PGM1: variants seen among roughly 807,000 people sequenced by gnomAD.
PGM1 encodes phosphoglucomutase 1.
PGM1 carries 52 observed loss-of-function variants against 55.6 expected under a neutral mutation model. The observed-to-expected ratio is 0.94, with a 90% CI of 0.75 to 1.18. PGM1 has a LOEUF of 1.18. Among genes scored for constraint, PGM1 ranks in the 50% most tolerant of loss-of-function variants. PGM1 has a pLI of 0.00. For missense variants in PGM1, 724 were observed against 729.3 expected (o/e 0.99, Z 0.08); for synonymous variants, 287 against 271.7 (o/e 1.06, Z -0.55).
At chr1:63,642,833 A>G (rs2269243) in intron 7 of PGM1, among the ~76,000 whole-genome samples, 1 of 152,004 alleles carries the variant, frequency 6.6e-6, no homozygotes, top group Admixed American at 6.5e-5. Flanking sequence ...TTTTAGTTTC[A>G]TATGAAAAGT....
At chr1:63,631,621 A>G (rs892855969) in intron 3 of PGM1, 36 bp from the exon 4 acceptor site, 5 of 1,602,144 alleles carry the variant, frequency 3.1e-6, no homozygotes, top group Non-Finnish European at 4.3e-6. Flanking sequence ...AAATGTGTTT[A>G]ATCCTTCCAT....
intron 1 of PGM1, among the ~76,000 whole-genome samples, chr1:63,611,029 G>A (rs1188854317): frequency 6.6e-6 from 1 of 152,192 alleles, no homozygotes; most frequent in Non-Finnish European, 1.5e-5. Context: ...ATTTGATGGG[G>A]TGCTTTCCAT....
At chr1:63,609,174 A>G (rs1648502552) in intron 1 of PGM1, among the ~76,000 whole-genome samples, 1 of 151,824 alleles carries the variant, frequency 6.6e-6, no homozygotes, top group Non-Finnish European at 1.5e-5. Flanking sequence ...TCTAAATCTC[A>G]GCCACAGGCC....
intron 3 of PGM1, among the ~76,000 whole-genome samples, 172 bp downstream of exon 3, chr1:63,630,260 G>A (rs1489557438): frequency 6.6e-6 from 1 of 152,146 alleles, no homozygotes. Context: ...GGAGACCAGA[G>A]ACCTGGGCTC....
At chr1:63,607,743 A>G (rs12038165) in intron 1 of PGM1, among the ~76,000 whole-genome samples, 46,246 of 152,136 alleles carry the variant, frequency 0.3, 7,628 homozygotes, top group South Asian at 0.38. Flanking sequence ...TCTGGGAACC[A>G]TGCACGCACT....
chr1:63,646,046 C>T (rs1649636731), intron 7 of PGM1, among the ~76,000 whole-genome samples: 1 of 151,994 alleles, frequency 6.6e-6, no homozygotes, highest in Non-Finnish European at 1.5e-5. Context: ...TTCATGACTG[C>T]CTAGGGAAGT....
intron 8 of PGM1, among the ~76,000 whole-genome samples, chr1:63,648,862 GC>G (rs1207112614): frequency 6.6e-6 from 1 of 152,168 alleles, no homozygotes; most frequent in Non-Finnish European, 1.5e-5. Context: ...TAAAAGTTTA[GC>G]TAACATAATC....
In PGM1 at chr1:63,627,114, A is replaced by G. The variant is rs184277374; in HGVS notation, c.247-2311A>G. Among the ~76,000 whole-genome samples the G allele has an allele frequency of 9.9e-4, 140 of 141,626 alleles. 1 individual carries two copies. Among genetic ancestry groups the G allele is most frequent in the Middle Eastern group, 7.5e-3 (2 of 266 alleles). 92.9% of individuals were successfully genotyped at this position (141,626 alleles called of 152,430 possible). ...CTGAATAATATTCCACTGTATGTAT[A>G]CACAATATTTTGTTTATCCATTCAC... On this transcript the variant is annotated intron_variant, in intron 1 of 10. Coordinates refer to ENST00000371084, the MANE Select transcript of PGM1 (RefSeq NM_002633.3).
intron 1 of PGM1, 26 bp downstream of exon 1, chr1:63,593,760 C>CT: frequency 6.4e-7 from 1 of 1,567,218 alleles, no homozygotes; most frequent in Non-Finnish European, 8.6e-7. Context: ...CCCCGCGCCG[C>CT]TGTGCACCCT....
At chr1:63,651,894 GCTTC>G in intron 9 of PGM1, 42 bp downstream of exon 9, 2 of 1,541,312 alleles carry the variant, frequency 1.3e-6, no homozygotes, top group Non-Finnish European at 9.0e-7. Flanking sequence ...AGACCTCAGA[GCTTC>G]ATCTCTGACA....
In PGM1 at chr1:63,622,592, A is replaced by AT. The variant is rs1648911139; in HGVS notation, c.247-6827dup. ...TGTGTACTCAGAAAAACATATGTAT[A>AT]TTTTTTCCGTGTTTTGCTTACATTT... On this transcript the variant is annotated intron_variant, in intron 1 of 10. Coordinates refer to ENST00000371084, the MANE Select transcript of PGM1 (RefSeq NM_002633.3). 5.3e-5 allele frequency among the ~76,000 whole-genome samples: 8 copies of AT among 152,066 alleles called. No homozygotes were observed. In the South Asian group the frequency reaches 1.7e-3, roughly 32 times the overall value.
At chr1:63,652,896 G>T (rs1009377874) in intron 9 of PGM1, among the ~76,000 whole-genome samples, 1 of 152,166 alleles carries the variant, frequency 6.6e-6, no homozygotes, top group Admixed American at 6.5e-5. Context: ...CAGTTTGGAT[G>T]ATTGTAAATT....
intron 6 of PGM1, among the ~76,000 whole-genome samples, chr1:63,636,789 G>A (rs1440389511): frequency 6.6e-6 from 1 of 152,196 alleles, no homozygotes; most frequent in Non-Finnish European, 1.5e-5. Context: ...TTAATGAATA[G>A]TTGAGTGTTA....
intron 6 of PGM1, among the ~76,000 whole-genome samples, chr1:63,638,207 C>T (rs547052472): frequency 1.1e-4 from 16 of 152,270 alleles, no homozygotes; most frequent in South Asian, 2.1e-4. Flanking sequence ...ACTGGGCGGT[C>T]GGTCATCCTG....
At chr1:63,601,038 A>G (rs1570470409) in intron 1 of PGM1, among the ~76,000 whole-genome samples, 1 of 152,200 alleles carries the variant, frequency 6.6e-6, no homozygotes, top group East Asian at 1.9e-4. Context: ...TAAAAGACAA[A>G]TGAGCAACAA....
chr1:63,651,482 C>T (rs1649804730), intron 8 of PGM1, 187 bp from the exon 9 acceptor site: 1 of 598,854 alleles, frequency 1.7e-6, no homozygotes, highest in African/African-American at 1.9e-5. Flanking sequence ...ATCCTCCAAA[C>T]CCTTCCTTTC....
At position 63,649,437 on chromosome 1, in the gene PGM1, A is replaced by G. The variant is rs959027572; in HGVS notation, c.1280+785A>G. Among the ~76,000 whole-genome samples, 6 of 152,146 alleles carry G rather than the reference A, an allele frequency of 3.9e-5. No individual in the cohort carries two copies. In the South Asian group the frequency reaches 6.2e-4, roughly 16 times the overall value. On this transcript the variant is annotated intron_variant, in intron 8 of 10. Coordinates refer to ENST00000371084, the MANE Select transcript of PGM1 (RefSeq NM_002633.3). ...CAGTTAGTGTAAAAATCTAACAAGAATTTTTCTGGACCTCAGTATTCCAAT... is the reference window on the plus strand; with the variant it reads ...CAGTTAGTGTAAAAATCTAACAAGAGTTTTTCTGGACCTCAGTATTCCAAT...
chr1:63,637,640 G>A (rs1372467046), intron 6 of PGM1, among the ~76,000 whole-genome samples: 4 of 152,176 alleles, frequency 2.6e-5, no homozygotes, highest in Admixed American at 2.6e-4. Context: ...GCTAGCATTT[G>A]AGCCCAGCAC....
intron 4 of PGM1, among the ~76,000 whole-genome samples, chr1:63,633,519 G>A (rs1196770013): frequency 6.6e-6 from 1 of 152,094 alleles, no homozygotes; most frequent in Admixed American, 6.6e-5. Flanking sequence ...ATGACCTCTG[G>A]GGCATGTACT....
Sources: allele counts gnomAD v4.1 joint callset (sites outside exome capture counted in the v4.1 genomes callset), GRCh38; gene constraint gnomAD v4.1.1; transcripts MANE v1.5; gene names NCBI Gene and HGNC (gene_info 2026-07-23, HGNC 2026-07-21).